The following ATP11A variants were observed in gnomAD, a reference collection of about 807,000 sequenced individuals.
The protein encoded by ATP11A is ATPase phospholipid transporting 11A.
In ATP11A, 81 loss-of-function variants were observed where a neutral mutation model predicts 154.4. The ratio of observed to expected loss-of-function variants is 0.52; its 90% CI spans 0.44 to 0.63. ATP11A has a LOEUF of 0.63. Ranked by LOEUF, ATP11A falls within the 30% of genes least tolerant of loss-of-function variation. The pLI, the probability that ATP11A is intolerant of heterozygous loss-of-function variation, is 0.00. For missense variants in ATP11A, 1,316 were observed against 1,474.3 expected (o/e 0.89, Z 1.76); for synonymous variants, 623 against 585.9 (o/e 1.06, Z -0.91).
chr13:112,726,515 T>C (rs1254760026), intron 1 of ATP11A, among the ~76,000 whole-genome samples: 4 of 152,138 alleles, frequency 2.6e-5, no homozygotes, highest in Admixed American at 1.3e-4. Flanking sequence ...GATTCCCAGA[T>C]CTGCAGGTGA....
chr13:112,788,834 C>T (rs1037197316), intron 2 of ATP11A, among the ~76,000 whole-genome samples: 1 of 151,514 alleles, frequency 6.6e-6, no homozygotes, highest in East Asian at 2.0e-4. Context: ...GACCTGTAGA[C>T]CCCTGTGGCG....
intron 22 of ATP11A, 83 bp downstream of exon 22, chr13:112,858,373 G>A (rs2079996986): frequency 7.2e-7 from 1 of 1,395,918 alleles, no homozygotes. Flanking sequence ...GCCACTTGAT[G>A]CCACAAGAGG....
chr13:112,785,666 A>G lies in ATP11A; in HGVS notation c.162+409A>G, dbSNP rs886925273. Among the ~76,000 whole-genome samples, 8 of 152,084 alleles carry G rather than the reference A, an allele frequency of 5.3e-5. No individual in the cohort carries two copies. The highest frequency in any genetic ancestry group is 1.9e-4 in the African/African-American group (8 of 41,412). ...CAGCCACCCCGGAGAAAGAGCCAAC[A>G]AACGCAGGCTGGACAGCAAAACCTG... On this transcript the variant is annotated intron_variant, in intron 2 of 29. Transcript: ENST00000375645. The surrounding 1 kb of genome is among the most constrained non-coding windows in gnomAD (Gnocchi z 4.8).
chr13:112,756,295 G>T (rs1325478360), intron 1 of ATP11A, among the ~76,000 whole-genome samples: 4 of 152,206 alleles, frequency 2.6e-5, no homozygotes, highest in Non-Finnish European at 5.9e-5. Context: ...ATAACTAAGG[G>T]TCATGTCCAT....
chr13:112,769,133 G>A (rs2139932942), intron 1 of ATP11A, among the ~76,000 whole-genome samples: 1 of 152,288 alleles, frequency 6.6e-6, no homozygotes, highest in East Asian at 1.9e-4. Context: ...CTGCCCCCCG[G>A]CTCCTCCTTC....
intron 6 of ATP11A, 109 bp downstream of exon 6, chr13:112,816,320 A>G: frequency 3.5e-6 from 5 of 1,446,508 alleles, no homozygotes; most frequent in Non-Finnish European, 4.7e-6. Context: ...CACCGTTTTC[A>G]TGTAACCCAG....
At chr13:112,783,935 C>T (rs1594676730) in intron 1 of ATP11A, among the ~76,000 whole-genome samples, 1 of 152,292 alleles carries the variant, frequency 6.6e-6, no homozygotes, top group East Asian at 1.9e-4. Flanking sequence ...TGCAGGAGAG[C>T]CTTCCTGTTC....
In ATP11A at chr13:112,855,865, T is replaced by C. The variant is rs369040651; in HGVS notation, c.2244-46T>C. The C allele has an allele frequency of 2.0e-6, 3 of 1,528,070 alleles. No individual in the cohort carries two copies. The African/African-American group carries it at 4.1e-5, about 21-fold the overall frequency. 94.7% of individuals were successfully genotyped at this position (1,528,070 alleles called of 1,614,324 possible). A position where few individuals can be genotyped will look rare whatever the true frequency, so the allele number is the denominator to read the frequency against. Reference sequence around the variant, plus strand: ...AAACAATACAGTCTTCTAAAATCTATAGATTTAGTGATTGAGCAATCTTTC... The same window carrying C: ...AAACAATACAGTCTTCTAAAATCTACAGATTTAGTGATTGAGCAATCTTTC... On this transcript the variant is annotated intron_variant, in intron 19 of 29. Transcript: ENST00000375645.
intron 1 of ATP11A, among the ~76,000 whole-genome samples, chr13:112,713,408 TAAA>T (rs1039788580): frequency 2.2e-4 from 33 of 152,098 alleles, no homozygotes; most frequent in African/African-American, 8.0e-4. Flanking sequence ...AAAAAATAAA[TAAA>T]AACATGGAGT....
chr13:112,811,914 G>GT (rs1043361356), intron 5 of ATP11A: 13 of 152,162 alleles, frequency 8.5e-5, no homozygotes, highest in African/African-American at 3.1e-4. Context: ...CCAAAAAATT[G>GT]TTTTTTATTG....
At chr13:112,724,339 G>A (rs570437428) in intron 1 of ATP11A, among the ~76,000 whole-genome samples, 2 of 151,868 alleles carry the variant, frequency 1.3e-5, no homozygotes, top group East Asian at 1.9e-4. Flanking sequence ...TGCCATAAAC[G>A]TCAGGGAGGG....
At chr13:112,726,340 G>C (rs1262284001) in intron 1 of ATP11A, among the ~76,000 whole-genome samples, 1 of 151,930 alleles carries the variant, frequency 6.6e-6, no homozygotes, top group Admixed American at 6.5e-5. Flanking sequence ...GGCCTGGGGG[G>C]CACTGCATGC....
chr13:112,820,282 A>G lies in ATP11A; in HGVS notation c.725+332A>G, dbSNP rs116390023. Among the ~76,000 whole-genome samples the G allele has an allele frequency of 3.5e-3, 538 of 152,320 alleles. 4 individuals carry two copies. The highest frequency in any genetic ancestry group is 0.012 in the African/African-American group (512 of 41,572). ...GCTTCCCTGGGAGAAATGCCCTTTC[A>G]TGATTCGGGTACTGATTTGTCTTCA... On this transcript the variant is annotated intron_variant, in intron 8 of 29. Transcript: ENST00000375645.
rs777536740 is a variant in ATP11A at position 112,819,911 on chromosome 13, G to A, written c.686G>A (p.Arg229His). 1.3e-5 allele frequency: 21 copies of A among 1,613,736 alleles called. No homozygotes were observed. The highest frequency in any genetic ancestry group is 4.5e-5 in the East Asian group (2 of 44,860). ...TTTTCTGTCGCCAGGTTCGTGGGTC[G>A]CATCAACGTTTACAGTGACCTGAAT... ...PQPDLYKFVG[R>H]INVYSDLNDP... The change falls in exon 8 of 30, where the codon CGC becomes CAC. Residue 229 changes from arginine (R) to histidine (H), a missense_variant. Coordinates refer to ENST00000375645, the MANE Select transcript of ATP11A (RefSeq NM_015205.3).
chr13:112,878,045 C>T (rs1025661371), intron 28 of ATP11A, among the ~76,000 whole-genome samples, 172 bp from the exon 29 acceptor site: 7 of 152,186 alleles, frequency 4.6e-5, no homozygotes, highest in African/African-American at 7.2e-5. Flanking sequence ...CACCAGTGTC[C>T]GCCCAGAGTG....
At chr13:112,703,616 G>T (rs1177236360) in intron 1 of ATP11A, among the ~76,000 whole-genome samples, 1 of 152,162 alleles carries the variant, frequency 6.6e-6, no homozygotes, top group Non-Finnish European at 1.5e-5. Flanking sequence ...GTGAGAATGG[G>T]TTATTTTTTA....
In ATP11A at chr13:112,860,621, A is replaced by G. The variant is rs73571025; in HGVS notation, c.2855+207A>G. ...TTCTTCAAGTCTTGCTGGATGGTTT[A>G]TGCTGCATTTGGAACATCTGTGTGG... is the stretch of plus-strand genomic sequence containing the variant. On this transcript the variant is annotated intron_variant, in intron 24 of 29. Coordinates refer to ENST00000375645, the MANE Select transcript of ATP11A (RefSeq NM_015205.3). The G allele has an allele frequency of 3.8e-3, 2,195 of 573,504 alleles. 35 individuals are homozygous for G. Among genetic ancestry groups the G allele is most frequent in the African/African-American group, 0.036 (1,954 of 53,678 alleles). The allele number at this position is 573,504 out of a possible 1,614,324, so 35.5% of individuals were successfully genotyped here. A position where few individuals can be genotyped will look rare whatever the true frequency, so the allele number is the denominator to read the frequency against.
At chr13:112,726,946 T>G (rs1889951430) in intron 1 of ATP11A, among the ~76,000 whole-genome samples, 2 of 151,950 alleles carry the variant, frequency 1.3e-5, no homozygotes, top group Admixed American at 6.5e-5. Context: ...CATTGCAAAT[T>G]TTTTTTCTCA....
chr13:112,760,348 G>A (rs879151792), intron 1 of ATP11A, among the ~76,000 whole-genome samples: 1 of 152,166 alleles, frequency 6.6e-6, no homozygotes, highest in Non-Finnish European at 1.5e-5. Flanking sequence ...GTCCAGTGTG[G>A]GTGGCAGAGA....
Sources: gnomAD v4.1 joint callset for allele counts (sites outside exome capture counted in the v4.1 genomes callset) on GRCh38, gnomAD v4.1.1 for gene constraint, Gnocchi (gnomAD v3.1) non-coding constraint, MANE v1.5 for transcripts, NCBI Gene and HGNC (gene_info 2026-07-23, HGNC 2026-07-21) for gene names.